The following COLEC12 variants were observed in gnomAD, a reference collection of about 807,000 sequenced individuals.
COLEC12 encodes collectin subfamily member 12.
In COLEC12, 33 loss-of-function variants were observed where a neutral mutation model predicts 71.1. The ratio of observed to expected loss-of-function variants is 0.46; its 90% CI spans 0.35 to 0.62. The LOEUF (loss-of-function observed/expected upper bound fraction) is 0.62. Ranked by LOEUF, COLEC12 falls within the 20% of genes least tolerant of loss-of-function variation. The pLI, the probability that COLEC12 is intolerant of heterozygous loss-of-function variation, is 0.00. For missense variants in COLEC12, 765 were observed against 916.1 expected, an observed-to-expected ratio of 0.84 and a Z score of 2.13; for synonymous variants, 350 against 353.0, an observed-to-expected ratio of 0.99 and a Z score of 0.10.
chr18:466,268 TA>T (rs1255581269), intron 2 of COLEC12, among the ~76,000 whole-genome samples: 2 of 151,952 alleles, frequency 1.3e-5, no homozygotes, highest in Non-Finnish European at 1.5e-5. Flanking sequence ...AAAAAATTTT[TA>T]AAAAATGGTT....
intron 2 of COLEC12, among the ~76,000 whole-genome samples, chr18:414,743 G>C (rs1479538142): frequency 6.6e-6 from 1 of 152,216 alleles, no homozygotes; most frequent in Admixed American, 6.5e-5. Context: ...GAGATGAAGT[G>C]ACTTGCCCAA....
chr18:336,628 T>A (rs1914124303), intron 5 of COLEC12, among the ~76,000 whole-genome samples: 1 of 152,154 alleles, frequency 6.6e-6, no homozygotes, highest in South Asian at 2.1e-4. Flanking sequence ...AATGAGGACA[T>A]GTAGGGCCAG....
chr18:490,254 C>T (rs1917596008), intron 1 of COLEC12, among the ~76,000 whole-genome samples: 1 of 152,198 alleles, frequency 6.6e-6, no homozygotes, highest in South Asian at 2.1e-4. Flanking sequence ...TCAGCCATTC[C>T]GGCCACCCCC....
intron 2 of COLEC12, among the ~76,000 whole-genome samples, chr18:369,431 A>AT (rs903518654): frequency 5.4e-4 from 48 of 88,210 alleles, no homozygotes; most frequent in African/African-American, 1.7e-3. Flanking sequence ...TTTTATTTTT[A>AT]TTTTTTTTTG....
At chr18:383,174 T>C (rs561309660) in intron 2 of COLEC12, among the ~76,000 whole-genome samples, 12 of 152,290 alleles carry the variant, frequency 7.9e-5, no homozygotes, top group African/African-American at 2.6e-4. Flanking sequence ...ATCCTCTCAT[T>C]TGGGCCTTTA....
chr18:472,182 G>A (rs868128203), intron 2 of COLEC12, among the ~76,000 whole-genome samples: 15 of 152,090 alleles, frequency 9.9e-5, no homozygotes, highest in African/African-American at 2.9e-4. Context: ...AGGCTAAGTC[G>A]CCCAAGGCTA....
chr18:432,007 A>G (rs1382526992), intron 2 of COLEC12, among the ~76,000 whole-genome samples: 1 of 152,122 alleles, frequency 6.6e-6, no homozygotes, highest in Non-Finnish European at 1.5e-5. Context: ...ACTCTAAATC[A>G]TTTTACTAAA....
In COLEC12 at chr18:334,998, C is replaced by G; in HGVS notation, c.1560G>C (p.Gln520His). ...SRGSPGKPGPQGSSGDPGPPG... is the reference protein window; with the variant it reads ...SRGSPGKPGPHGSSGDPGPPG... The stretch of plus-strand genomic sequence containing the variant: ...GGGGGCCTGGGTCCCCACTGGAGCC[C>G]TGAGGGCCGGGCTTCCCAGGGGAAC... The change falls in exon 6 of 10, where the codon CAG becomes CAC. Residue 520 changes from glutamine (Q) to histidine (H), a missense_variant. Gln to His is a conservative substitution (Grantham distance 24). Transcript: ENST00000400256. 5.1e-6 allele frequency: 8 copies of G among 1,581,540 alleles called. No individual in the cohort carries two copies. The highest frequency in any genetic ancestry group is 6.8e-6 in the Non-Finnish European group (8 of 1,170,014).
At chr18:351,004 A>C (rs8086522) in intron 3 of COLEC12, among the ~76,000 whole-genome samples, 68,146 of 150,760 alleles carry the variant, frequency 0.45, 15,578 homozygotes, top group South Asian at 0.62. Flanking sequence ...AACATGCTTT[A>C]TATATCAATT....
chr18:444,353 G>A (rs1382626655), intron 2 of COLEC12, among the ~76,000 whole-genome samples: 2 of 152,220 alleles, frequency 1.3e-5, no homozygotes, highest in Middle Eastern at 3.4e-3. Context: ...AGATCACTGG[G>A]ATAGAGTCTA....
rs1395330943 is a variant in COLEC12, at chr18:319,181, G to A, written c.*864C>T. 6.6e-6 allele frequency: 1 copy of A among 151,940 alleles called. No individual in the cohort carries two copies. Among genetic ancestry groups the A allele is most frequent in the East Asian group, 1.9e-4 (1 of 5,166 alleles). 9.4% of individuals were successfully genotyped at this position (151,940 alleles called of 1,614,324 possible). On this transcript the variant is annotated 3_prime_UTR_variant, in exon 10 of 10. Transcript: ENST00000400256. The stretch of plus-strand genomic sequence containing the variant: ...CTGTGTCTGGTCAGGCACACGTCAA[G>A]AATGTTGGCTGGTGATGGGCTCAAG...
At chr18:384,937 G>A (rs1915311601) in intron 2 of COLEC12, among the ~76,000 whole-genome samples, 1 of 152,200 alleles carries the variant, frequency 6.6e-6, no homozygotes, top group Non-Finnish European at 1.5e-5. Context: ...TCACCATACA[G>A]TTCATGAGAA....
chr18:481,064 T>C (rs141192909), intron 1 of COLEC12, among the ~76,000 whole-genome samples: 1 of 152,186 alleles, frequency 6.6e-6, no homozygotes, highest in Non-Finnish European at 1.5e-5. Context: ...AATTCAATGT[T>C]TCTCTCTGAT....
At chr18:333,322 C>T in intron 6 of COLEC12, 179 bp from the exon 7 acceptor site, 3 of 537,790 alleles carry the variant, frequency 5.6e-6, no homozygotes, top group South Asian at 5.3e-5. Flanking sequence ...CCAAAGTGGA[C>T]TGCAGAGCAC....
chr18:331,071 T>C (rs1243714070), intron 8 of COLEC12, among the ~76,000 whole-genome samples: 3 of 151,984 alleles, frequency 2.0e-5, no homozygotes, highest in African/African-American at 7.3e-5. Context: ...GTTTTTTTAG[T>C]AGAGACGAGG....
At position 362,116 on chromosome 18, in the gene COLEC12, C is replaced by T. The variant is rs618250; in HGVS notation, c.59-4594G>A. ...TTTCCCTCCCATCCTTCCCCGTGAG[C>T]TAGCCCTGTGGCCGCCAGGCATCTG... is the stretch of plus-strand genomic sequence containing the variant. On this transcript the variant is annotated intron_variant, in intron 2 of 9. Coordinates refer to ENST00000400256, the MANE Select transcript of COLEC12 (RefSeq NM_130386.3). This position sits in a 1 kb window ranked among gnomAD's most constrained non-coding sequence, Gnocchi z 4.6. Among the ~76,000 whole-genome samples the T allele has an allele frequency of 0.024, 3,598 of 152,326 alleles. 54 individuals carry two copies. Among genetic ancestry groups the T allele is most frequent in the South Asian group, 0.071 (341 of 4,818 alleles).
chr18:420,479 C>T (rs955476032), intron 2 of COLEC12, among the ~76,000 whole-genome samples: 11 of 152,054 alleles, frequency 7.2e-5, no homozygotes, highest in Admixed American at 2.0e-4. Flanking sequence ...TAAATGCCTT[C>T]TGTATAAATA....
intron 2 of COLEC12, among the ~76,000 whole-genome samples, chr18:440,199 T>C (rs550945108): frequency 6.6e-6 from 1 of 151,866 alleles, no homozygotes; most frequent in African/African-American, 2.4e-5. Context: ...AGTTGCGACA[T>C]GGGATGGGGA....
At chr18:390,364 C>T (rs886839840) in intron 2 of COLEC12, among the ~76,000 whole-genome samples, 1 of 152,252 alleles carries the variant, frequency 6.6e-6, no homozygotes, top group African/African-American at 2.4e-5. Flanking sequence ...GCAGAAACTA[C>T]TGTCTGGGAC....
Sources: allele counts gnomAD v4.1 joint callset (sites outside exome capture counted in the v4.1 genomes callset), GRCh38; gene constraint gnomAD v4.1.1; non-coding constraint Gnocchi (gnomAD v3.1); transcripts MANE v1.5; gene names NCBI Gene and HGNC (gene_info 2026-07-23, HGNC 2026-07-21).